Variants in SYT2 observed in about 807,000 individuals in gnomAD.
SYT2 encodes the protein synaptotagmin-2.
A neutral mutation model predicts 39.9 loss-of-function variants in SYT2; 15 were observed. That is an observed-to-expected ratio of 0.38 (90% CI 0.25 to 0.58). The LOEUF (loss-of-function observed/expected upper bound fraction) is 0.58, where lower values mean the gene tolerates loss of function less well. Ranked by LOEUF, SYT2 falls within the 20% of genes least tolerant of loss-of-function variation. SYT2 has a pLI of 0.70. For synonymous variants in SYT2, 181 were observed against 204.5 expected (o/e 0.89, Z 0.98); for missense variants, 389 against 530.3 (o/e 0.73, Z 2.62).
chr1:202,698,119 C>CCCA (rs1553344141), intron 1 of SYT2, among the ~76,000 whole-genome samples: 1 of 151,974 alleles, frequency 6.6e-6, no homozygotes, highest in Non-Finnish European at 1.5e-5. Flanking sequence ...ACCACCCCCC[C>CCCA]AAGGAAAGTT....
At position 202,601,334 on chromosome 1, in the gene SYT2, C is replaced by G. The variant is rs941689416; in HGVS notation, c.801+556G>C. On this transcript the variant is annotated intron_variant, in intron 6 of 8. Coordinates refer to ENST00000367268, the MANE Select transcript of SYT2 (RefSeq NM_177402.5). The surrounding 1 kb of genome is among the most constrained non-coding windows in gnomAD (Gnocchi z 4.0). ...TAAGCTTCTCTACTCAGCCCTCCAT[C>G]ACTGCCTAGAGTGTGCCAGGTAGCA... Among the ~76,000 whole-genome samples, 10 of 152,210 alleles carry G rather than the reference C, an allele frequency of 6.6e-5. No homozygotes were observed. Among genetic ancestry groups the G allele is most frequent in the Non-Finnish European group, 2.9e-5 (2 of 68,040 alleles).
At chr1:202,605,503 C>G in intron 2 of SYT2, 92 bp downstream of exon 2, 1 of 1,264,164 alleles carries the variant, frequency 7.9e-7, no homozygotes, top group African/African-American at 1.5e-5. Flanking sequence ...GGAAAGAGCC[C>G]AGCCAATCAC....
At position 202,708,940 on chromosome 1, in the gene SYT2, A is replaced by G. The variant is rs555516249; in HGVS notation, c.-18+1318T>C. On this transcript the variant is annotated intron_variant, in intron 1 of 8. Coordinates refer to ENST00000367268, the MANE Select transcript of SYT2 (RefSeq NM_177402.5). ...TTCCCTGCTTCTGTCACCCCCTCTA[A>G]TGAAGTGCCAGGTTATGGGGATCCA... 1.1e-3 allele frequency among the ~76,000 whole-genome samples: 171 copies of G among 152,296 alleles called. 2 individuals are homozygous for G. In the South Asian group the frequency reaches 0.034, roughly 30 times the overall value.
Position 202,599,086 on chromosome 1 carries a change from T to C in SYT2, c.1053+132A>G. 7.9e-7 allele frequency: 1 copy of C among 1,269,008 alleles called. No individual in the cohort carries two copies. The highest frequency in any genetic ancestry group is 2.5e-5 in the East Asian group (1 of 40,078). The allele number at this position is 1,269,008 out of a possible 1,614,324, so 78.6% of individuals were successfully genotyped here. A position where few individuals can be genotyped will look rare whatever the true frequency, so the allele number is the denominator to read the frequency against. ...GAAGGAGGCCCCACCCAGGCACCAT[T>C]AGACCTCGAGCCTTCCCCTACCAAG... On this transcript the variant is annotated intron_variant, in intron 8 of 8. Coordinates refer to ENST00000367268, the MANE Select transcript of SYT2 (RefSeq NM_177402.5). The surrounding 1 kb of genome is among the most constrained non-coding windows in gnomAD (Gnocchi z 4.4).
chr1:202,653,912 T>C (rs565964567), intron 1 of SYT2, among the ~76,000 whole-genome samples: 92 of 152,284 alleles, frequency 6.0e-4, no homozygotes, highest in Middle Eastern at 3.4e-3. Flanking sequence ...TTATCCTCTC[T>C]CTGGAGTGAC....
intron 8 of SYT2, among the ~76,000 whole-genome samples, chr1:202,598,772 G>T (rs984959998): frequency 6.6e-6 from 1 of 152,190 alleles, no homozygotes; most frequent in African/African-American, 2.4e-5. Flanking sequence ...TGGAAGGGTG[G>T]AGGGAGAGAG....
At chr1:202,605,401 C>T (rs1360863355) in intron 2 of SYT2, 194 bp downstream of exon 2, 2 of 482,546 alleles carry the variant, frequency 4.1e-6, no homozygotes, top group Non-Finnish European at 7.5e-6. Flanking sequence ...CACATAAACC[C>T]CCTTGTTTGC....
chr1:202,645,637 T>C (rs1692064551), intron 1 of SYT2, among the ~76,000 whole-genome samples: 1 of 152,226 alleles, frequency 6.6e-6, no homozygotes, highest in Non-Finnish European at 1.5e-5. Context: ...AAATAAAGTC[T>C]AATTACAGAA....
Position 202,602,558 on chromosome 1 carries a change from A to G in SYT2, c.466-13T>C. The G allele has an allele frequency of 1.9e-6, 3 of 1,607,274 alleles. No homozygotes were observed. The highest frequency in any genetic ancestry group is 2.5e-6 in the Non-Finnish European group (3 of 1,176,792). On this transcript the variant is annotated splice_polypyrimidine_tract_variant and intron_variant, in intron 4 of 8. Transcript: ENST00000367268. ...CGCCCACAGTAAGCTGTGGAGAGAG[A>G]TGGGGAGAAGGGGCCTGAGTCTCAG...
At chr1:202,707,795 A>G (rs932839351) in intron 1 of SYT2, among the ~76,000 whole-genome samples, 2 of 152,230 alleles carry the variant, frequency 1.3e-5, no homozygotes, top group Non-Finnish European at 2.9e-5. Context: ...AAGAATGACT[A>G]GAGGTCAGGC....
intron 1 of SYT2, among the ~76,000 whole-genome samples, chr1:202,652,425 T>C (rs1379713167): frequency 6.6e-6 from 1 of 152,244 alleles, no homozygotes; most frequent in Non-Finnish European, 1.5e-5. Context: ...CCTGCCTTTC[T>C]GCAGGAGGCC....
rs756484304 is a variant in SYT2, at chr1:202,601,038, T to C, written c.802-564A>G. ...TTTTGTTACTATCACTGCAACTCTT[T>C]GATGTAAACAAGACAAGAATTCTTT... On this transcript the variant is annotated intron_variant, in intron 6 of 8. Transcript: ENST00000367268. This position sits in a 1 kb window ranked among gnomAD's most constrained non-coding sequence, Gnocchi z 4.0. 2.6e-5 allele frequency among the ~76,000 whole-genome samples: 4 copies of C among 152,210 alleles called. No individual in the cohort carries two copies. Among genetic ancestry groups the C allele is most frequent in the African/African-American group, 4.8e-5 (2 of 41,454 alleles).
At chr1:202,651,585 T>C (rs1358970452) in intron 1 of SYT2, among the ~76,000 whole-genome samples, 1 of 152,210 alleles carries the variant, frequency 6.6e-6, no homozygotes, top group Non-Finnish European at 1.5e-5. Flanking sequence ...TTCCAGACTA[T>C]TGGACTCAAA....
chr1:202,678,702 A>G (rs141705576), intron 1 of SYT2, among the ~76,000 whole-genome samples: 22 of 152,244 alleles, frequency 1.4e-4, no homozygotes, highest in African/African-American at 4.8e-4. Flanking sequence ...CTGCTCGCCA[A>G]CTGTCCCCAA....
intron 1 of SYT2, among the ~76,000 whole-genome samples, chr1:202,626,399 T>C (rs935293545): frequency 6.8e-5 from 3 of 44,308 alleles, no homozygotes; most frequent in African/African-American, 2.0e-4. Flanking sequence ...GCCTCTCAGC[T>C]TTTTTTTTTT....
chr1:202,591,214 G>A lies in SYT2; in HGVS notation c.*5543C>T, dbSNP rs1690101361. The A allele has an allele frequency of 6.6e-6, 1 of 152,366 alleles. No homozygotes were observed. Among genetic ancestry groups the A allele is most frequent in the African/African-American group, 2.4e-5 (1 of 41,458 alleles). 9.4% of individuals were successfully genotyped at this position (152,366 alleles called of 1,614,324 possible). A position where few individuals can be genotyped will look rare whatever the true frequency, so the allele number is the denominator to read the frequency against. On this transcript the variant is annotated 3_prime_UTR_variant, in exon 9 of 9. Transcript: ENST00000367268. ...CCTGGGACTTCTGTGTGCAACTTCT[G>A]TTGTGGTTTGTGCAGGGCAAGCCTG...
intron 1 of SYT2, among the ~76,000 whole-genome samples, chr1:202,707,570 C>T (rs965271750): frequency 4.6e-5 from 7 of 152,306 alleles, no homozygotes; most frequent in Admixed American, 1.3e-4. Flanking sequence ...AAGTCCTCCA[C>T]GAGGATGCTT....
Position 202,623,921 on chromosome 1 carries a change from G to C in SYT2, c.-17-18132C>G, listed in dbSNP as rs1372673946. ...AGCTCTGCCTCATGTGAGGCACACA[G>C]CACCTTCCAGCACAGTCCCGATATC... On this transcript the variant is annotated intron_variant, in intron 1 of 8. Transcript: ENST00000367268. The surrounding 1 kb of genome is among the most constrained non-coding windows in gnomAD (Gnocchi z 4.2). Among the ~76,000 whole-genome samples, 1 of 152,234 alleles carries C rather than the reference G, an allele frequency of 6.6e-6. No homozygotes were observed. Among genetic ancestry groups the C allele is most frequent in the Non-Finnish European group, 1.5e-5 (1 of 68,036 alleles).
intron 1 of SYT2, among the ~76,000 whole-genome samples, chr1:202,707,679 C>T (rs1221813610): frequency 6.6e-6 from 1 of 152,244 alleles, no homozygotes; most frequent in Non-Finnish European, 1.5e-5. Context: ...GCTTCCAGTG[C>T]ACTCACTGCC....
Sources: gnomAD v4.1 joint callset for allele counts (sites outside exome capture counted in the v4.1 genomes callset) on GRCh38, gnomAD v4.1.1 for gene constraint, Gnocchi (gnomAD v3.1) non-coding constraint, MANE v1.5 for transcripts, NCBI Gene and HGNC (gene_info 2026-07-23, HGNC 2026-07-21) for gene names.